NEGR1: variants seen among roughly 807,000 people sequenced by gnomAD.
NEGR1 encodes the protein neuronal growth regulator 1.
In NEGR1, 10 loss-of-function variants were observed where a neutral mutation model predicts 40.9. The observed-to-expected ratio is 0.24, with a 90% CI of 0.15 to 0.42. The LOEUF (loss-of-function observed/expected upper bound fraction) is 0.42, where lower values mean the gene tolerates loss of function less well. Ranked by LOEUF, NEGR1 falls within the 10% of genes least tolerant of loss-of-function variation. The pLI is 1.00. For missense variants in NEGR1, 352 were observed against 438.9 expected, an observed-to-expected ratio of 0.80 and a Z score of 1.77; for synonymous variants, 185 against 166.8, an observed-to-expected ratio of 1.11 and a Z score of -0.84.
intron 6 of NEGR1, among the ~76,000 whole-genome samples, chr1:71,453,709 A>G (rs1646650132): frequency 6.6e-6 from 1 of 152,138 alleles, no homozygotes; most frequent in African/African-American, 2.4e-5. Context: ...CCTCGATGAT[A>G]TTTTATACTG....
At chr1:72,135,311 G>A (rs1173643825) in intron 1 of NEGR1, among the ~76,000 whole-genome samples, 9 of 137,658 alleles carry the variant, frequency 6.5e-5, no homozygotes, top group African/African-American at 2.4e-4. Flanking sequence ...GGGAGGCGGA[G>A]CTTGCAGTGA....
At chr1:71,776,018 T>G (rs979375414) in intron 3 of NEGR1, among the ~76,000 whole-genome samples, 154 bp downstream of exon 3, 2 of 150,392 alleles carry the variant, frequency 1.3e-5, no homozygotes, top group Admixed American at 6.6e-5. Context: ...AATAAATAAA[T>G]AAATAAATAA....
At chr1:71,974,823 C>T (rs574863012) in intron 1 of NEGR1, among the ~76,000 whole-genome samples, 1 of 152,122 alleles carries the variant, frequency 6.6e-6, no homozygotes, top group African/African-American at 2.4e-5. Flanking sequence ...AGATGTATAC[C>T]TTAATCATGA....
At chr1:72,268,542 T>A (rs2100554779) in intron 1 of NEGR1, among the ~76,000 whole-genome samples, 2 of 151,540 alleles carry the variant, frequency 1.3e-5, no homozygotes, top group South Asian at 4.1e-4. Context: ...TCACAGAAAG[T>A]GGATAGCATA....
At chr1:71,917,640 T>A (rs1661622193) in intron 2 of NEGR1, among the ~76,000 whole-genome samples, 1 of 151,372 alleles carries the variant, frequency 6.6e-6, no homozygotes, top group Non-Finnish European at 1.5e-5. Flanking sequence ...TAGCCGGGCC[T>A]GGTGGCGGGC....
At chr1:71,735,916 A>T (rs963236923) in intron 3 of NEGR1, among the ~76,000 whole-genome samples, 2 of 152,092 alleles carry the variant, frequency 1.3e-5, no homozygotes, top group Admixed American at 1.3e-4. Context: ...TGAGAAAGTC[A>T]TCTACTTTGT....
chr1:71,730,189 G>T (rs1654812705), intron 3 of NEGR1, among the ~76,000 whole-genome samples: 2 of 151,996 alleles, frequency 1.3e-5, no homozygotes, highest in South Asian at 2.1e-4. Context: ...ACATGTACAA[G>T]TTTTTTGGAG....
intron 1 of NEGR1, among the ~76,000 whole-genome samples, chr1:72,206,684 T>TGAGG (rs1653410952): frequency 6.6e-6 from 1 of 152,130 alleles, no homozygotes; most frequent in African/African-American, 2.4e-5. Flanking sequence ...TCATGTTTCA[T>TGAGG]TTTATGACCT....
chr1:71,909,047 A>T (rs1036122266), intron 2 of NEGR1, among the ~76,000 whole-genome samples: 2 of 152,188 alleles, frequency 1.3e-5, no homozygotes, highest in Non-Finnish European at 2.9e-5. Flanking sequence ...AATAGTATTA[A>T]TTGAAGTATA....
chr1:72,048,101 C>A (rs907243268), intron 1 of NEGR1, among the ~76,000 whole-genome samples: 10 of 151,686 alleles, frequency 6.6e-5, no homozygotes, highest in African/African-American at 2.4e-4. Flanking sequence ...TCACAACTTC[C>A]ACTTTTACCT....
chr1:71,442,223 T>C (rs1646551579), intron 6 of NEGR1, among the ~76,000 whole-genome samples: 1 of 111,048 alleles, frequency 9.0e-6, no homozygotes, highest in South Asian at 3.2e-4. Flanking sequence ...CAAGGTAGCA[T>C]TCCTTTTTTT....
chr1:71,432,371 T>A (rs1646475526), intron 6 of NEGR1, among the ~76,000 whole-genome samples: 1 of 152,248 alleles, frequency 6.6e-6, no homozygotes, highest in South Asian at 2.1e-4. Context: ...ACATAGTTTT[T>A]GCTATGGTTT....
chr1:72,107,288 C>A (rs181998201), intron 1 of NEGR1, among the ~76,000 whole-genome samples: 8 of 151,560 alleles, frequency 5.3e-5, no homozygotes, highest in Admixed American at 5.3e-4. Context: ...ATGGTAAGTC[C>A]TATTTATACC....
chr1:71,829,204 G>A lies in NEGR1; in HGVS notation c.410-52907C>T, dbSNP rs939200433. On this transcript the variant is annotated intron_variant, in intron 2 of 6. Transcript: ENST00000357731. ...AATTAATTAGTATTAAATCCTCAACGTTTTTTGTTGTATCATATTTTCCTT... is the reference window on the plus strand; with the variant it reads ...AATTAATTAGTATTAAATCCTCAACATTTTTTGTTGTATCATATTTTCCTT... 2.2e-4 allele frequency among the ~76,000 whole-genome samples: 33 copies of A among 151,638 alleles called. 1 individual carries two copies. Among genetic ancestry groups the A allele is most frequent in the Admixed American group, 2.2e-3 (33 of 15,216 alleles).
At chr1:71,429,239 A>C (rs1646449685) in intron 6 of NEGR1, among the ~76,000 whole-genome samples, 1 of 152,222 alleles carries the variant, frequency 6.6e-6, no homozygotes, top group Non-Finnish European at 1.5e-5. Flanking sequence ...AAGAAGGAAC[A>C]AACTAGCATG....
At chr1:71,951,547 T>A (rs1444279767) in intron 1 of NEGR1, among the ~76,000 whole-genome samples, 1 of 151,962 alleles carries the variant, frequency 6.6e-6, no homozygotes, top group Non-Finnish European at 1.5e-5. Flanking sequence ...TCCAACAATT[T>A]CTTTTTGAGT....
chr1:71,747,481 G>T (rs1180128711), intron 3 of NEGR1, among the ~76,000 whole-genome samples: 1 of 150,846 alleles, frequency 6.6e-6, no homozygotes, highest in Non-Finnish European at 1.5e-5. Context: ...CTGGAGCGCA[G>T]TGGCATGACC....
intron 1 of NEGR1, among the ~76,000 whole-genome samples, chr1:72,057,307 A>AT (rs912387595): frequency 7.3e-5 from 11 of 150,716 alleles, no homozygotes; most frequent in East Asian, 3.9e-4. Flanking sequence ...TCCAAACTTA[A>AT]TTTTTTTTTG....
intron 1 of NEGR1, among the ~76,000 whole-genome samples, chr1:72,057,387 C>G (rs1168944146): frequency 6.6e-6 from 1 of 151,472 alleles, no homozygotes; most frequent in Non-Finnish European, 1.5e-5. Flanking sequence ...TAGCTGGATT[C>G]TCATACATTT....
Sources: gnomAD v4.1 joint callset for allele counts (sites outside exome capture counted in the v4.1 genomes callset) on GRCh38, gnomAD v4.1.1 for gene constraint, MANE v1.5 for transcripts, NCBI Gene and HGNC (gene_info 2026-07-23, HGNC 2026-07-21) for gene names.